The following MAN1A2 variants were observed in gnomAD, a reference collection of about 807,000 sequenced individuals.
MAN1A2 encodes mannosidase alpha class 1A member 2.
MAN1A2 carries 26 observed loss-of-function variants against 75.7 expected under a neutral mutation model. That is an observed-to-expected ratio of 0.34 (90% confidence interval 0.25 to 0.48). The LOEUF (loss-of-function observed/expected upper bound fraction) is 0.48, where lower values mean the gene tolerates loss of function less well. MAN1A2 is among the 20% of genes least tolerant of loss of function. The pLI is 0.99. For missense variants in MAN1A2, 562 were observed against 775.5 expected (o/e 0.72, Z 3.27); for synonymous variants, 247 against 264.6 (o/e 0.93, Z 0.65).
chr1:117,460,984 C>T (rs1237226073), intron 7 of MAN1A2, among the ~76,000 whole-genome samples: 1 of 151,866 alleles, frequency 6.6e-6, no homozygotes, highest in Non-Finnish European at 1.5e-5. Context: ...TGATTATTGA[C>T]CTAAGATATT....
chr1:117,495,727 A>G (rs936717610), intron 9 of MAN1A2, among the ~76,000 whole-genome samples: 2 of 151,908 alleles, frequency 1.3e-5, no homozygotes, highest in South Asian at 4.1e-4. Context: ...GGAATACCTT[A>G]TATGTGGAAA....
chr1:117,437,079 T>C (rs1648873955), intron 5 of MAN1A2, among the ~76,000 whole-genome samples: 1 of 152,140 alleles, frequency 6.6e-6, no homozygotes. Context: ...CATCTAGCCT[T>C]TAAGGGTACT....
At chr1:117,398,994 A>T (rs1218816439) in intron 1 of MAN1A2, among the ~76,000 whole-genome samples, 1 of 152,180 alleles carries the variant, frequency 6.6e-6, no homozygotes, top group Non-Finnish European at 1.5e-5. Context: ...TAGGTGAGGC[A>T]TGATGGTAGC....
At chr1:117,368,556 CTTTT>C in intron 1 of MAN1A2, 71 bp downstream of exon 1, 5 of 1,228,304 alleles carry the variant, frequency 4.1e-6, no homozygotes, top group Admixed American at 2.5e-5. Context: ...TCGAATCTGT[CTTTT>C]TTTTTTCTTG....
chr1:117,523,297 T>A lies in MAN1A2; in HGVS notation c.*340T>A, dbSNP rs12120771. 0.11 allele frequency: 55,252 copies of A among 492,046 alleles called. 3,595 individuals carry two copies. Among genetic ancestry groups the A allele is most frequent in the Non-Finnish European group, 0.14 (33,382 of 241,552 alleles). 30.5% of individuals were successfully genotyped at this position (492,046 alleles called of 1,614,324 possible). A position where few individuals can be genotyped will look rare whatever the true frequency, so the allele number is the denominator to read the frequency against. On this transcript the variant is annotated 3_prime_UTR_variant, in exon 13 of 13. Transcript: ENST00000356554. ...ACTTCCTGAAAGCAAGTCAAGAATA[T>A]AGAGCACCTTGCAGGAGTTCAAGAT...
chr1:117,494,665 T>C (rs1445050182), intron 9 of MAN1A2: 4 of 152,070 alleles, frequency 2.6e-5, no homozygotes, highest in Admixed American at 6.6e-5. Context: ...TAAATTGAAC[T>C]AAAGGTACAA....
At chr1:117,490,734 C>T (rs1309088454) in intron 8 of MAN1A2, among the ~76,000 whole-genome samples, 5 of 152,026 alleles carry the variant, frequency 3.3e-5, no homozygotes, top group Admixed American at 3.3e-4. Flanking sequence ...CCTCTTGCAC[C>T]AGTTAGGCAG....
At chr1:117,467,463 G>A (rs892842444) in intron 8 of MAN1A2, among the ~76,000 whole-genome samples, 1 of 152,102 alleles carries the variant, frequency 6.6e-6, no homozygotes, top group Non-Finnish European at 1.5e-5. Flanking sequence ...AAGGAAAGCA[G>A]ATAGGTCAAT....
intron 6 of MAN1A2, among the ~76,000 whole-genome samples, chr1:117,448,313 T>C (rs1169872329): frequency 6.6e-6 from 1 of 152,162 alleles, no homozygotes; most frequent in African/African-American, 2.4e-5. Context: ...ATATCCGTAA[T>C]CCAATCCAAA....
rs1557984744 is a variant in MAN1A2, at chr1:117,525,057, T to G, written c.*2100T>G. ...TTCTCTTTTACCTTATTTAGAAGAA[T>G]GCAGAGTAAAGGGACCTTCTTGGTT... On this transcript the variant is annotated 3_prime_UTR_variant, in exon 13 of 13. Coordinates refer to ENST00000356554, the MANE Select transcript of MAN1A2 (RefSeq NM_006699.5). 2.0e-6 allele frequency: 1 copy of G among 509,166 alleles called. No homozygotes were observed. Among genetic ancestry groups the G allele is most frequent in the Non-Finnish European group, 4.0e-6 (1 of 247,330 alleles). 31.5% of individuals were successfully genotyped at this position (509,166 alleles called of 1,614,324 possible). A position where few individuals can be genotyped will look rare whatever the true frequency, so the allele number is the denominator to read the frequency against.
chr1:117,482,391 C>A (rs1650526633), intron 8 of MAN1A2, among the ~76,000 whole-genome samples: 1 of 152,042 alleles, frequency 6.6e-6, no homozygotes, highest in South Asian at 2.1e-4. Flanking sequence ...TGTTTCCTGA[C>A]TTTTTAATGA....
chr1:117,405,472 G>T (rs1647584945), intron 2 of MAN1A2, 77 bp from the exon 3 acceptor site: 1 of 862,992 alleles, frequency 1.2e-6, no homozygotes, highest in Non-Finnish European at 2.0e-6. Flanking sequence ...TATAGTAATA[G>T]AACCCAAAAT....
chr1:117,507,456 G>A (rs549007839), intron 12 of MAN1A2, among the ~76,000 whole-genome samples: 1 of 151,672 alleles, frequency 6.6e-6, no homozygotes, highest in African/African-American at 2.4e-5. Context: ...TGGAACATAT[G>A]CTCCATGAAA....
intron 11 of MAN1A2, among the ~76,000 whole-genome samples, chr1:117,500,867 T>C (rs1307777255): frequency 6.6e-6 from 1 of 151,818 alleles, no homozygotes; most frequent in East Asian, 1.9e-4. Flanking sequence ...AGCAGTGGCT[T>C]ACTAATGCTT....
At position 117,503,045 on chromosome 1, in the gene MAN1A2, A is replaced by G. The variant is rs369393930; in HGVS notation, c.1793+75A>G. ...TGTGATCACTAGATGATGAATTACA[A>G]CTATGTGACAGGTTACACTAAATTT... On this transcript the variant is annotated intron_variant, in intron 12 of 12. Coordinates refer to ENST00000356554, the MANE Select transcript of MAN1A2 (RefSeq NM_006699.5). 7.8e-5 allele frequency: 55 copies of G among 702,286 alleles called. No individual in the cohort carries two copies. The African/African-American group carries it at 7.9e-4, about 10-fold the overall frequency. The allele number at this position is 702,286 out of a possible 1,614,324, so 43.5% of individuals were successfully genotyped here.
chr1:117,525,015 G>T lies in MAN1A2; in HGVS notation c.*2058G>T. 1 of 461,814 alleles carries T rather than the reference G, an allele frequency of 2.2e-6. No individual in the cohort carries two copies. 28.6% of individuals were successfully genotyped at this position (461,814 alleles called of 1,614,324 possible). ...AAGATGCAGAGCAGCAGTGCAGATG[G>T]CAATGAACTCTCTGAATTCTCTTTT... On this transcript the variant is annotated 3_prime_UTR_variant, in exon 13 of 13. Coordinates refer to ENST00000356554, the MANE Select transcript of MAN1A2 (RefSeq NM_006699.5).
chr1:117,425,164 G>A (rs1307813349), intron 5 of MAN1A2, among the ~76,000 whole-genome samples: 2 of 143,132 alleles, frequency 1.4e-5, no homozygotes, highest in African/African-American at 5.2e-5. Flanking sequence ...GGAGGGCAAA[G>A]GGGGGAGGGA....
intron 5 of MAN1A2, among the ~76,000 whole-genome samples, chr1:117,421,090 T>C (rs1277650974): frequency 6.6e-6 from 1 of 152,124 alleles, no homozygotes; most frequent in Non-Finnish European, 1.5e-5. Flanking sequence ...CAACTCTGAA[T>C]TCTCCTCTCT....
At chr1:117,415,024 A>T (rs1017173470) in intron 4 of MAN1A2, among the ~76,000 whole-genome samples, 193 bp downstream of exon 4, 1 of 151,570 alleles carries the variant, frequency 6.6e-6, no homozygotes, top group African/African-American at 2.4e-5. Flanking sequence ...GAATGGAAAA[A>T]ATATATATAT....
Sources: allele counts gnomAD v4.1 joint callset (sites outside exome capture counted in the v4.1 genomes callset), GRCh38; gene constraint gnomAD v4.1.1; transcripts MANE v1.5; gene names NCBI Gene and HGNC (gene_info 2026-07-23, HGNC 2026-07-21).